Variants in CERKL observed in about 807,000 individuals in gnomAD.
CERKL encodes the protein CERK like autophagy regulator.
A neutral mutation model predicts 63.4 loss-of-function variants in CERKL; 61 were observed. The ratio of observed to expected loss-of-function variants is 0.96; its 90% CI spans 0.78 to 1.19. The LOEUF is 1.19. Ranked by LOEUF, CERKL falls within the 50% of genes most tolerant of loss-of-function variation. The pLI is 0.00. For missense variants in CERKL, 675 were observed against 655.5 expected (o/e 1.03, Z -0.33); for synonymous variants, 250 against 230.5 (o/e 1.08, Z -0.77).
At chr2:181,649,450 G>A (rs1172206308) in intron 1 of CERKL, 1 of 152,118 alleles carries the variant, frequency 6.6e-6, no homozygotes, top group Non-Finnish European at 1.5e-5. Flanking sequence ...ATAATAGTAA[G>A]AGACTTTAAC....
chr2:181,561,047 C>T (rs373462725), intron 4 of CERKL, among the ~76,000 whole-genome samples: 1 of 152,234 alleles, frequency 6.6e-6, no homozygotes, highest in East Asian at 1.9e-4. Context: ...CAGGTCATAA[C>T]AGGAAGGGAG....
intron 11 of CERKL, among the ~76,000 whole-genome samples, chr2:181,542,088 G>T (rs2105792581): frequency 6.6e-6 from 1 of 152,262 alleles, no homozygotes; most frequent in East Asian, 1.9e-4. Flanking sequence ...AAATCCTGGG[G>T]GAAGCACTCA....
chr2:181,544,840 A>C, intron 10 of CERKL, 44 bp from the exon 11 acceptor site: 1 of 1,164,618 alleles, frequency 8.6e-7, no homozygotes. Context: ...ATTTACTAAG[A>C]GATTATACCA....
At chr2:181,650,218 G>C (rs1425350832) in intron 1 of CERKL, 1 of 151,880 alleles carries the variant, frequency 6.6e-6, no homozygotes, top group African/African-American at 2.4e-5. Context: ...GAGAAAAACT[G>C]ACAACTTCAC....
chr2:181,618,682 G>T (rs555672697), intron 1 of CERKL, among the ~76,000 whole-genome samples: 1 of 152,150 alleles, frequency 6.6e-6, no homozygotes, highest in Non-Finnish European at 1.5e-5. Flanking sequence ...ATAGTGTTGA[G>T]ATTACAGGTG....
rs746793032 is a variant in CERKL, at chr2:181,539,227, T to G, written c.1403A>C (p.Glu468Ala). Reference sequence around the variant, plus strand: ...ATTATTCCTTGGATGAACTTTTACTTCCTCAACAGTGTAAGTCTCAACAAA... The same window carrying G: ...ATTATTCCTTGGATGAACTTTTACTGCCTCAACAGTGTAAGTCTCAACAAA... ...FPFVETYTVE[E>A]VKVHPRNNTG... Residue 468 changes from glutamate (E) to alanine (A), a missense_variant, in exon 12 of 13, where the codon GAA (glutamate) becomes GCA (alanine). Coordinates refer to ENST00000410087, the MANE Select transcript of CERKL (RefSeq NM_201548.5). 6.2e-7 allele frequency: 1 copy of G among 1,600,336 alleles called. No homozygotes were observed. Among genetic ancestry groups the G allele is most frequent in the African/African-American group, 1.3e-5 (1 of 74,598 alleles).
chr2:181,638,595 G>C (rs747735068), intron 1 of CERKL, among the ~76,000 whole-genome samples: 8 of 152,126 alleles, frequency 5.3e-5, no homozygotes, highest in Non-Finnish European at 1.0e-4. Flanking sequence ...GTGGATGCTA[G>C]GATCCATCTT....
At chr2:181,551,553 T>C (rs1237120190) in intron 5 of CERKL, among the ~76,000 whole-genome samples, 1 of 150,408 alleles carries the variant, frequency 6.6e-6, no homozygotes, top group African/African-American at 2.4e-5. Flanking sequence ...AACAAACATA[T>C]AAAAAAAAAG....
intron 2 of CERKL, among the ~76,000 whole-genome samples, chr2:181,594,718 T>C (rs1297914000): frequency 6.6e-6 from 1 of 152,140 alleles, no homozygotes; most frequent in Non-Finnish European, 1.5e-5. Context: ...AAAAATATAG[T>C]AAAAAACGGT....
At position 181,537,772 on chromosome 2, in the gene CERKL, A is replaced by T. The variant is rs1322005730; in HGVS notation, c.*412T>A. ...AGAATTTGAATTGATATCTAAAAAC[A>T]GAATTTGAATTGATATTTCATCTTG... On this transcript the variant is annotated 3_prime_UTR_variant, in exon 13 of 13. Coordinates refer to ENST00000410087, the MANE Select transcript of CERKL (RefSeq NM_201548.5). The T allele has an allele frequency of 2.2e-6, 1 of 450,748 alleles. No individual in the cohort carries two copies. Among genetic ancestry groups the T allele is most frequent in the Admixed American group, 2.4e-5 (1 of 41,352 alleles). The allele number at this position is 450,748 out of a possible 1,614,324, so 27.9% of individuals were successfully genotyped here.
In CERKL at chr2:181,547,625, T is replaced by G; in HGVS notation, c.1261A>C (p.Asn421His). 6.2e-7 allele frequency: 1 copy of G among 1,613,468 alleles called. No homozygotes were observed. The highest frequency in any genetic ancestry group is 1.3e-5 in the African/African-American group (1 of 75,028). ...ATAAAAATGCTTACTAACCTGGTAT[T>G]AGGTGCCAAGCCTCTAGGTGCCACT... ...CSVAPRGLAPNTRLNNGSMAL... is the reference protein window; with the variant it reads ...CSVAPRGLAPHTRLNNGSMAL... Residue 421 changes from asparagine to histidine, a missense_variant, in exon 10 of 13, where the codon AAT (asparagine) becomes CAT (histidine). Physicochemically the swap from Asn to His is moderately conservative, Grantham distance 68. Coordinates refer to ENST00000410087, the MANE Select transcript of CERKL (RefSeq NM_201548.5).
At chr2:181,618,186 A>G (rs1686285732) in intron 1 of CERKL, among the ~76,000 whole-genome samples, 1 of 149,836 alleles carries the variant, frequency 6.7e-6, no homozygotes, top group Non-Finnish European at 1.5e-5. Flanking sequence ...GGGTGAAGAT[A>G]CACTAAATTC....
rs78381893 is a variant in CERKL at position 181,537,139 on chromosome 2, C to T, written c.*1045G>A. ...TATGTATTTTTAAAAAACTTTGTAT[C>T]GTTATAAAAAGGCTAGTCATTCTTT... On this transcript the variant is annotated 3_prime_UTR_variant, in exon 13 of 13. Transcript: ENST00000410087. 6.8e-3 allele frequency: 3,095 copies of T among 453,324 alleles called. 81 individuals carry two copies. Among genetic ancestry groups the T allele is most frequent in the African/African-American group, 0.056 (2,788 of 49,978 alleles). The allele number at this position is 453,324 out of a possible 1,614,324, so 28.1% of individuals were successfully genotyped here. A position where few individuals can be genotyped will look rare whatever the true frequency, so the allele number is the denominator to read the frequency against.
intron 4 of CERKL, chr2:181,565,522 A>G (rs749941520): frequency 1.3e-6 from 2 of 1,578,456 alleles, no homozygotes; most frequent in Non-Finnish European, 1.7e-6. Context: ...TGTGAATAAC[A>G]TACCTAAATT....
intron 6 of CERKL, 64 bp from the exon 7 acceptor site, chr2:181,548,921 TAA>T (rs2105804327): frequency 9.1e-6 from 13 of 1,421,116 alleles, no homozygotes; most frequent in Admixed American, 6.7e-5. Context: ...ACAGCAAACA[TAA>T]GAGAGCATAT....
chr2:181,563,748 T>C lies in CERKL; in HGVS notation c.677+2310A>G, dbSNP rs1277397709. Among the ~76,000 whole-genome samples the C allele has an allele frequency of 5.3e-5, 8 of 152,130 alleles. 1 individual carries two copies. The highest frequency in any genetic ancestry group is 1.0e-4 in the Non-Finnish European group (7 of 68,018). On this transcript the variant is annotated intron_variant, in intron 4 of 12. Coordinates refer to ENST00000410087, the MANE Select transcript of CERKL (RefSeq NM_201548.5). ...TTTTACTTGCAAGAGAATTGTTCCTTTGAAGTACCTGAAGAAACTATGTTT... is the reference window on the plus strand; with the variant it reads ...TTTTACTTGCAAGAGAATTGTTCCTCTGAAGTACCTGAAGAAACTATGTTT...
At chr2:181,642,958 T>C (rs60472345) in intron 1 of CERKL, among the ~76,000 whole-genome samples, 22,633 of 152,134 alleles carry the variant, frequency 0.15, 4,140 homozygotes, top group African/African-American at 0.43. Context: ...ACCAAAGCGA[T>C]TGCCCACCTC....
At chr2:181,595,987 A>C (rs10445770) in intron 2 of CERKL, among the ~76,000 whole-genome samples, 55,955 of 152,050 alleles carry the variant, frequency 0.37, 11,418 homozygotes, top group South Asian at 0.67. Flanking sequence ...ACTTTAGTAA[A>C]GGAAGACATG....
intron 2 of CERKL, among the ~76,000 whole-genome samples, chr2:181,595,529 A>T (rs1316934958): frequency 1.3e-5 from 2 of 152,192 alleles, no homozygotes; most frequent in Admixed American, 1.3e-4. Flanking sequence ...AACACAGTAA[A>T]TAAAGTATAC....
Sources: gnomAD v4.1 joint callset for allele counts (sites outside exome capture counted in the v4.1 genomes callset) on GRCh38, gnomAD v4.1.1 for gene constraint, MANE v1.5 for transcripts, NCBI Gene and HGNC (gene_info 2026-07-23, HGNC 2026-07-21) for gene names.